ICAM5: variants seen among roughly 807,000 people sequenced by gnomAD.
The protein encoded by ICAM5 is ICAM-5.
ICAM5 carries 38 observed loss-of-function variants against 78.8 expected under a neutral mutation model. That is an observed-to-expected ratio of 0.48 (90% CI 0.37 to 0.63). The LOEUF is 0.63. ICAM5 is among the 30% of genes least tolerant of loss of function. ICAM5 has a pLI of 0.00. For missense variants in ICAM5, 1,059 were observed against 1,303.0 expected (o/e 0.81, Z 2.88); for synonymous variants, 544 against 590.9 (o/e 0.92, Z 1.15).
Position 10,293,104 on chromosome 19 carries a change from G to C in ICAM5, c.1323G>C (p.Val441=). The change falls in exon 6 of 11, where the codon GTG becomes GTC. Residue 441 remains valine, a synonymous_variant. Transcript: ENST00000221980. This position sits in a 1 kb window ranked among gnomAD's most constrained non-coding sequence, Gnocchi z 5.0. ...CEARGNPEPS[V]HCARSDGGAV... ...CCCGCGGGAACCCAGAACCCTCAGT[G>C]CACTGTGCGCGCTCCGACGGCGGGG... is the stretch of plus-strand genomic sequence containing the variant. The C allele has an allele frequency of 1.2e-6, 2 of 1,609,956 alleles. No individual in the cohort carries two copies. The highest frequency in any genetic ancestry group is 1.7e-6 in the Non-Finnish European group (2 of 1,179,112).
At chr19:10,295,314 C>T in intron 9 of ICAM5, 32 bp from the exon 10 acceptor site, 1 of 1,494,376 alleles carries the variant, frequency 6.7e-7, no homozygotes, top group Non-Finnish European at 8.9e-7. Flanking sequence ...TGGGCCGGCG[C>T]TAAGCCCCAC....
rs1466572389 is a variant in ICAM5, at chr19:10,295,524, C to T, written c.2409C>T (p.Gly803=). Residue 803 remains glycine (G), a synonymous_variant, in exon 10 of 11, where the codon GGC becomes GGT. Coordinates refer to ENST00000221980, the MANE Select transcript of ICAM5 (RefSeq NM_003259.4). ...SSNNSTLSVA[G]AMGSHGGEYE... ...ACAACAGCACACTGAGCGTGGCAGGCGCCATGGGAAGCCACGGCGGCGAGT... is the reference window on the plus strand; with the variant it reads ...ACAACAGCACACTGAGCGTGGCAGGTGCCATGGGAAGCCACGGCGGCGAGT... 3.2e-6 allele frequency: 5 copies of T among 1,549,158 alleles called. No individual in the cohort carries two copies. The highest frequency in any genetic ancestry group is 1.9e-5 in the Admixed American group (1 of 51,320).
rs2040166107 is a variant in ICAM5 at position 10,290,948 on chromosome 19, G to A, written c.83-124G>A. ...CCTGGGCAGGACGCGGGACGCCTGG[G>A]TTCTTTCCCTGGCTGCAGCCTCTCC... On this transcript the variant is annotated intron_variant, in intron 1 of 10. Transcript: ENST00000221980. This position sits in a 1 kb window ranked among gnomAD's most constrained non-coding sequence, Gnocchi z 5.7. 7.6e-7 allele frequency: 1 copy of A among 1,307,320 alleles called. No homozygotes were observed. Among genetic ancestry groups the A allele is most frequent in the East Asian group, 2.5e-5 (1 of 39,466 alleles). 81.0% of individuals were successfully genotyped at this position (1,307,320 alleles called of 1,614,324 possible).
In ICAM5 at chr19:10,290,207, G is replaced by T. The variant is rs190411743; in HGVS notation, c.82+82G>T. On this transcript the variant is annotated intron_variant, in intron 1 of 10. Coordinates refer to ENST00000221980, the MANE Select transcript of ICAM5 (RefSeq NM_003259.4). The surrounding 1 kb of genome is among the most constrained non-coding windows in gnomAD (Gnocchi z 5.7). ...GAGAAACGGCCTCCTGTCCCTCCCAGCTCTGCCCTCGCCTCGCTCCCACGC... is the reference window on the plus strand; with the variant it reads ...GAGAAACGGCCTCCTGTCCCTCCCATCTCTGCCCTCGCCTCGCTCCCACGC... The T allele has an allele frequency of 3.7e-6, 4 of 1,066,812 alleles. No individual in the cohort carries two copies. Among genetic ancestry groups the T allele is most frequent in the Non-Finnish European group, 3.9e-6 (3 of 767,224 alleles). 66.1% of individuals were successfully genotyped at this position (1,066,812 alleles called of 1,614,324 possible).
Position 10,291,074 on chromosome 19 carries a change from G to C in ICAM5, c.85G>C (p.Val29Leu). 1.2e-6 allele frequency: 2 copies of C among 1,606,440 alleles called. No individual in the cohort carries two copies. The highest frequency in any genetic ancestry group is 1.7e-6 in the Non-Finnish European group (2 of 1,176,344). The change falls in exon 2 of 11, where the codon GTC becomes CTC. Residue 29 changes from valine to leucine, a missense_variant and splice_region_variant. By Grantham distance (32) the Val-to-Leu change is conservative. This residue lies in a region of ICAM5 where 815 missense variants were observed against 952.8 expected (regional missense o/e 0.86). Coordinates refer to ENST00000221980, the MANE Select transcript of ICAM5 (RefSeq NM_003259.4). ...TCAGCCCGCGTTTCCCTGGGCAGCG[G>C]TCTCGCAGGAGCCCTTCTGGGCGGA... ...LGLGLFGLSA[V>L]SQEPFWADLQ...
intron 10 of ICAM5, among the ~76,000 whole-genome samples, chr19:10,296,136 G>C (rs1368440517): frequency 6.6e-6 from 1 of 152,146 alleles, no homozygotes; most frequent in African/African-American, 2.4e-5. Context: ...TATCCCCATG[G>C]GCTGAAGTGC....
At chr19:10,295,730 G>A in intron 10 of ICAM5, 118 bp downstream of exon 10, 2 of 1,212,550 alleles carry the variant, frequency 1.6e-6, no homozygotes, top group South Asian at 1.5e-5. Context: ...ACGGAAGTGG[G>A]ACAGAGTAGA....
chr19:10,291,089 T>C lies in ICAM5; in HGVS notation c.100T>C (p.Phe34Leu), dbSNP rs1365829663. ...FGLSAVSQEP[F>L]WADLQPRVAF... ...CTGGGCAGCGGTCTCGCAGGAGCCC[T>C]TCTGGGCGGACCTGCAGCCTCGCGT... The change falls in exon 2 of 11, where the codon TTC becomes CTC. Residue 34 changes from phenylalanine to leucine, a missense_variant. Phe to Leu is a conservative substitution (Grantham distance 22). Transcript: ENST00000221980. 6.2e-7 allele frequency: 1 copy of C among 1,610,678 alleles called. No individual in the cohort carries two copies. Among genetic ancestry groups the C allele is most frequent in the Admixed American group, 1.7e-5 (1 of 59,864 alleles).
chr19:10,290,932 G>T lies in ICAM5; in HGVS notation c.83-140G>T. 1 of 1,151,926 alleles carries T rather than the reference G, an allele frequency of 8.7e-7. No individual in the cohort carries two copies. Among genetic ancestry groups the T allele is most frequent in the Non-Finnish European group, 1.2e-6 (1 of 833,206 alleles). 71.4% of individuals were successfully genotyped at this position (1,151,926 alleles called of 1,614,324 possible). ...GCCTTTAAACCGGAGGCCTGGGCAGGACGCGGGACGCCTGGGTTCTTTCCC... is the reference window on the plus strand; with the variant it reads ...GCCTTTAAACCGGAGGCCTGGGCAGTACGCGGGACGCCTGGGTTCTTTCCC... On this transcript the variant is annotated intron_variant, in intron 1 of 10. Transcript: ENST00000221980. This position sits in a 1 kb window ranked among gnomAD's most constrained non-coding sequence, Gnocchi z 5.7.
In ICAM5 at chr19:10,296,397, G is replaced by A; in HGVS notation, c.2556G>A (p.Ala852=). 7.9e-7 allele frequency: 1 copy of A among 1,271,712 alleles called. No homozygotes were observed. Among genetic ancestry groups the A allele is most frequent in the East Asian group, 3.2e-5 (1 of 31,258 alleles). 78.8% of individuals were successfully genotyped at this position (1,271,712 alleles called of 1,614,324 possible). A position where few individuals can be genotyped will look rare whatever the true frequency, so the allele number is the denominator to read the frequency against. Residue 852 remains alanine, a synonymous_variant, in exon 11 of 11, where the codon GCG becomes GCA. Transcript: ENST00000221980. ...CGGGGGGCGCGGCGCTGCTGGCCGC[G>A]GGGGCCGGCCTGGCCTTCTACGTGC... ...GAAGGAALLA[A]GAGLAFYVQS... is the part of the protein sequence containing the mutation.
chr19:10,291,732 G>A lies in ICAM5; in HGVS notation c.596G>A (p.Arg199His). 6.2e-7 allele frequency: 1 copy of A among 1,612,822 alleles called. No homozygotes were observed. ...GACCATGGAGCCAATTTCTCGTGTC[G>A]CGCCGAGCTGGACCTGCGGCCGCAC... is the stretch of plus-strand genomic sequence containing the variant. ...REDHGANFSC[R>H]AELDLRPHGL... The change falls in exon 3 of 11, where the codon CGC becomes CAC. Residue 199 changes from arginine (R) to histidine (H), a missense_variant. Arg to His is a conservative substitution (Grantham distance 29, BLOSUM62 0). Transcript: ENST00000221980.
chr19:10,292,315 C>T lies in ICAM5; in HGVS notation c.954C>T (p.Thr318=). Residue 318 remains threonine, a synonymous_variant, in exon 4 of 11, where the codon ACC becomes ACT. Coordinates refer to ENST00000221980, the MANE Select transcript of ICAM5 (RefSeq NM_003259.4). The part of the protein sequence containing the change: ...GENRETRENV[T]IYSFPAPLLT... Reference sequence around the variant, plus strand: ...ACCGGGAGACCCGGGAGAACGTGACCATCTACAGTAAGGAAGGAGGCGGGG... The same window carrying T: ...ACCGGGAGACCCGGGAGAACGTGACTATCTACAGTAAGGAAGGAGGCGGGG... The T allele has an allele frequency of 6.3e-7, 1 of 1,599,962 alleles. No homozygotes were observed. The highest frequency in any genetic ancestry group is 8.5e-7 in the Non-Finnish European group (1 of 1,174,704).
chr19:10,291,669 G>A lies in ICAM5; in HGVS notation c.533G>A (p.Gly178Asp). 2 of 1,612,388 alleles carry A rather than the reference G, an allele frequency of 1.2e-6. No homozygotes were observed. Among genetic ancestry groups the A allele is most frequent in the Non-Finnish European group, 1.7e-6 (2 of 1,179,752 alleles). The stretch of plus-strand genomic sequence containing the variant: ...GCCGGTGAACCACCCCGAGCGCGGG[G>A]CGCGGTGCTCACAGCCACGGTACTG... ...SFAGEPPRAR[G>D]AVLTATVLAR... Residue 178 changes from glycine to aspartate, a missense_variant, in exon 3 of 11, where the codon GGC (glycine) becomes GAC (aspartate). Around this residue, in one of 3 missense-constraint regions of ICAM5, gnomAD observed 815 missense variants for 952.8 expected, o/e 0.86. Coordinates refer to ENST00000221980, the MANE Select transcript of ICAM5 (RefSeq NM_003259.4).
Position 10,290,801 on chromosome 19 carries a change from A to C in ICAM5, c.83-271A>C. The C allele has an allele frequency of 1.8e-6, 1 of 555,634 alleles. No homozygotes were observed. The highest frequency in any genetic ancestry group is 2.4e-5 in the South Asian group (1 of 41,964). 34.4% of individuals were successfully genotyped at this position (555,634 alleles called of 1,614,324 possible). Reference sequence around the variant, plus strand: ...CAAGAACCCACCTTTCCTCTCCTCTACGCCCTCCCCCCATGCTTTCCCGCC... The same window carrying C: ...CAAGAACCCACCTTTCCTCTCCTCTCCGCCCTCCCCCCATGCTTTCCCGCC... On this transcript the variant is annotated intron_variant, in intron 1 of 10. Transcript: ENST00000221980. This position sits in a 1 kb window ranked among gnomAD's most constrained non-coding sequence, Gnocchi z 5.7.
Position 10,292,025 on chromosome 19 carries a change from C to G in ICAM5, c.674-10C>G. 1.2e-6 allele frequency: 2 copies of G among 1,608,446 alleles called. No individual in the cohort carries two copies. Among genetic ancestry groups the G allele is most frequent in the Non-Finnish European group, 1.7e-6 (2 of 1,176,324 alleles). On this transcript the variant is annotated splice_polypyrimidine_tract_variant and intron_variant, in intron 3 of 10. Transcript: ENST00000221980. The stretch of plus-strand genomic sequence containing the variant: ...CGGAGTTAGTTCAAACTTGGTTCTT[C>G]GACCCCTAGCCCTGTCTCCGGATGC...
intron 5 of ICAM5, 61 bp downstream of exon 5, chr19:10,292,927 C>T (rs74827019): frequency 0.073 from 117,801 of 1,606,720 alleles, 4,858 homozygotes; most frequent in Admixed American, 0.085. Flanking sequence ...CCCGCCTGCT[C>T]CCTCACCGTG....
rs2040183424 is a variant in ICAM5 at position 10,292,614 on chromosome 19, T to C, written c.964T>C (p.Phe322Leu). 1.3e-6 allele frequency: 2 copies of C among 1,559,996 alleles called. No individual in the cohort carries two copies. Among genetic ancestry groups the C allele is most frequent in the African/African-American group, 1.4e-5 (1 of 72,730 alleles). Residue 322 changes from phenylalanine (F) to leucine (L), a missense_variant and splice_region_variant, in exon 5 of 11, where the codon TTC becomes CTC. Transcript: ENST00000221980. ...ETRENVTIYS[F>L]PAPLLTLSEP... is the part of the protein sequence containing the mutation. ...ACGACCAAATGCTCCGCCCCCAGGC[T>C]TCCCGGCACCACTCCTGACCCTGAG...
At chr19:10,291,031 G>A (rs555553140) in intron 1 of ICAM5, 41 bp from the exon 2 acceptor site, 2 of 1,571,768 alleles carry the variant, frequency 1.3e-6, no homozygotes, top group African/African-American at 1.3e-5. Context: ...AAGATGTCAG[G>A]GAGTTGGCTC....
At chr19:10,292,448 C>A in intron 4 of ICAM5, 126 bp downstream of exon 4, 3 of 1,356,394 alleles carry the variant, frequency 2.2e-6, no homozygotes, top group South Asian at 1.4e-5. Context: ...CAGGTGGGGG[C>A]GGAGACGTAA....
Sources: allele counts gnomAD v4.1 joint callset (sites outside exome capture counted in the v4.1 genomes callset), GRCh38; gene constraint gnomAD v4.1.1; regional missense constraint gnomAD v4.1.1; non-coding constraint Gnocchi (gnomAD v3.1); transcripts MANE v1.5; gene names NCBI Gene and HGNC (gene_info 2026-07-23, HGNC 2026-07-21).